Variants in DISP2 observed in about 807,000 individuals in gnomAD.
DISP2 encodes the protein protein dispatched homolog 2.
In DISP2, 59 loss-of-function variants were observed where a neutral mutation model predicts 95.5. The ratio of observed to expected loss-of-function variants is 0.62; its 90% CI spans 0.50 to 0.77. The LOEUF (loss-of-function observed/expected upper bound fraction) is 0.77, where lower values mean the gene tolerates loss of function less well. Ranked by LOEUF, DISP2 falls within the 30% of genes least tolerant of loss-of-function variation. The probability of loss-of-function intolerance (pLI) is 0.00; values close to 1 mark genes in which losing one functional copy is unlikely to be tolerated. For synonymous variants in DISP2, 827 were observed against 815.0 expected (o/e 1.01, Z -0.25); for missense variants, 1,752 against 1,854.6 (o/e 0.94, Z 1.02).
At chr15:40,364,628 C>T in intron 4 of DISP2, 84 bp downstream of exon 4, 2 of 1,561,428 alleles carry the variant, frequency 1.3e-6, no homozygotes, top group Non-Finnish European at 1.7e-6. Context: ...GTAGGGTAGC[C>T]ATGGTAGCCT....
At position 40,370,408 on chromosome 15, in the gene DISP2, T is replaced by A; in HGVS notation, c.*90T>A. The A allele has an allele frequency of 2.0e-6, 3 of 1,493,830 alleles. No homozygotes were observed. The highest frequency in any genetic ancestry group is 2.7e-6 in the Non-Finnish European group (3 of 1,127,434). 92.5% of individuals were successfully genotyped at this position (1,493,830 alleles called of 1,614,324 possible). ...ATAGGCTGGAGCCCGAAGGTATTTC[T>A]CCAGATCCACAGGGAGAGGTCTCAC... is the stretch of plus-strand genomic sequence containing the variant. On this transcript the variant is annotated 3_prime_UTR_variant, in exon 8 of 8. Transcript: ENST00000267889.
rs771198665 is a variant in DISP2, at chr15:40,369,007, T to C, written c.2895T>C (p.Ala965=). 4.3e-6 allele frequency: 7 copies of C among 1,614,038 alleles called. No homozygotes were observed. The highest frequency in any genetic ancestry group is 3.3e-5 in the South Asian group (3 of 91,086). ...AGCACAGCCTGAGCACTGAGCCTGCTGTGGTGCTGGGCCTGGCTTTGGCGC... is the reference window on the plus strand; with the variant it reads ...AGCACAGCCTGAGCACTGAGCCTGCCGTGGTGCTGGGCCTGGCTTTGGCGC... The part of the protein sequence containing the change: ...SLQHSLSTEP[A]VVLGLALALA... Residue 965 remains alanine (A), a synonymous_variant, in exon 8 of 8, where the codon GCT becomes GCC. Transcript: ENST00000267889.
chr15:40,368,190 G>T lies in DISP2; in HGVS notation c.2078G>T (p.Arg693Leu). Residue 693 changes from arginine to leucine, a missense_variant, in exon 8 of 8, where the codon CGC (arginine) becomes CTC (leucine). By Grantham distance (102) the Arg-to-Leu change is moderately radical. Around this residue, in one of 5 missense-constraint regions of DISP2, gnomAD observed 732 missense variants for 714.6 expected, o/e 1.02. Coordinates refer to ENST00000267889, the MANE Select transcript of DISP2 (RefSeq NM_033510.3). Reference sequence around the variant, plus strand: ...GGCACCTCGCGTCTGCTCTTCCAGCGCCTGCTGCCCTGCGGCGTCATCAAG... The same window carrying T: ...GGCACCTCGCGTCTGCTCTTCCAGCTCCTGCTGCCCTGCGGCGTCATCAAG... ...AAGTSRLLFQ[R>L]LLPCGVIKFR... The T allele has an allele frequency of 6.2e-7, 1 of 1,602,616 alleles. No individual in the cohort carries two copies.
chr15:40,365,586 G>C (rs780460898), intron 6 of DISP2, 42 bp from the exon 7 acceptor site: 18 of 1,608,902 alleles, frequency 1.1e-5, no homozygotes, highest in Non-Finnish European at 1.4e-5. Flanking sequence ...CCAGGACCTG[G>C]GGCCAAAGGA....
Position 40,370,223 on chromosome 15 carries a change from G to A in DISP2, c.4111G>A (p.Asp1371Asn), listed in dbSNP as rs770385873. 6.2e-7 allele frequency: 1 copy of A among 1,606,898 alleles called. No individual in the cohort carries two copies. The highest frequency in any genetic ancestry group is 8.5e-7 in the Non-Finnish European group (1 of 1,177,016). ...CTGGAAGGGCCGAGGGGGGCCAGGG[G>A]ATGGCAGCCCTGTGGTGCTGCCCAA... is the stretch of plus-strand genomic sequence containing the variant. ...LSWKGRGGPG[D>N]GSPVVLPNSQ... The change falls in exon 8 of 8, where the codon GAT (aspartate) becomes AAT (asparagine). Residue 1371 changes from aspartate (D) to asparagine (N), a missense_variant. Physicochemically the swap from Asp to Asn is conservative, Grantham distance 23. Coordinates refer to ENST00000267889, the MANE Select transcript of DISP2 (RefSeq NM_033510.3).
chr15:40,370,116 G>GGAA lies in DISP2; in HGVS notation c.4006_4008dup (p.Lys1336dup), dbSNP rs752967674. On this transcript the variant is annotated inframe_insertion, in exon 8 of 8. Transcript: ENST00000267889. ...GTCCTTGAGCGAGGCCAGCTCAATG[G>GGAA]GAAGCGGGACACCCTGTGGCTGGCG... 7.5e-6 allele frequency: 12 copies of GGAA among 1,607,954 alleles called. No individual in the cohort carries two copies. Among genetic ancestry groups the GGAA allele is most frequent in the Non-Finnish European group, 1.0e-5 (12 of 1,176,774 alleles).
chr15:40,367,047 G>C lies in DISP2; in HGVS notation c.946-11G>C. The C allele has an allele frequency of 1.2e-6, 2 of 1,605,900 alleles. No homozygotes were observed. Among genetic ancestry groups the C allele is most frequent in the Non-Finnish European group, 1.7e-6 (2 of 1,179,700 alleles). On this transcript the variant is annotated splice_polypyrimidine_tract_variant and intron_variant, in intron 7 of 7. Coordinates refer to ENST00000267889, the MANE Select transcript of DISP2 (RefSeq NM_033510.3). ...GCCCCTGAACTCTCCCCTCCTGCGT[G>C]TGCCCTACAGATCCGCTCCCATACC...
intron 1 of DISP2, 38 bp from the exon 2 acceptor site, chr15:40,363,587 T>A: frequency 6.9e-7 from 1 of 1,443,174 alleles, no homozygotes; most frequent in South Asian, 1.4e-5. Context: ...CCCACCACCA[T>A]CCCCCACCCC....
In DISP2 at chr15:40,368,087, C is replaced by G; in HGVS notation, c.1975C>G (p.Arg659Gly). Reference protein sequence around the residue: ...ARGCARRARGRWEGSAPRRLL... With the variant: ...ARGCARRARGGWEGSAPRRLL... ...CGGCTGTGCGCGCCGGGCGCGGGGC[C>G]GGTGGGAGGGCAGCGCGCCCCGGCG... Residue 659 changes from arginine to glycine, a missense_variant, in exon 8 of 8, where the codon CGG becomes GGG. Physicochemically the swap from Arg to Gly is moderately radical, Grantham distance 125 (BLOSUM62 -2). Transcript: ENST00000267889. 7.3e-7 allele frequency: 1 copy of G among 1,367,202 alleles called. No individual in the cohort carries two copies. Among genetic ancestry groups the G allele is most frequent in the Non-Finnish European group, 9.3e-7 (1 of 1,069,938 alleles). The allele number at this position is 1,367,202 out of a possible 1,614,324, so 84.7% of individuals were successfully genotyped here.
intron 1 of DISP2, among the ~76,000 whole-genome samples, chr15:40,361,106 T>G (rs1889399059): frequency 6.6e-6 from 1 of 152,196 alleles, no homozygotes; most frequent in Non-Finnish European, 1.5e-5. Flanking sequence ...CTTTATGGAG[T>G]CATCTGAGGT....
rs1484956785 is a variant in DISP2, at chr15:40,369,259, G to C, written c.3147G>C (p.Leu1049=). ...SYHLCPHPDR[L]SRVAFSLRQT... ...ACCTGTGCCCACACCCTGACCGCCT[G>C]AGCCGTGTGGCCTTCTCTCTGCGCC... The change falls in exon 8 of 8, where the codon CTG becomes CTC. Residue 1049 remains leucine (L), a synonymous_variant. Coordinates refer to ENST00000267889, the MANE Select transcript of DISP2 (RefSeq NM_033510.3). The C allele has an allele frequency of 6.2e-7, 1 of 1,613,834 alleles. No homozygotes were observed. Among genetic ancestry groups the C allele is most frequent in the Admixed American group, 1.7e-5 (1 of 60,030 alleles).
At position 40,370,605 on chromosome 15, in the gene DISP2, G is replaced by A. The variant is rs1448947926; in HGVS notation, c.*287G>A. ...CATCTAAGACCCCTCCTCTAGAAGT[G>A]GGGAAGGCCAGATGTGTAGCTTCGG... is the stretch of plus-strand genomic sequence containing the variant. On this transcript the variant is annotated 3_prime_UTR_variant, in exon 8 of 8. Transcript: ENST00000267889. 3.2e-6 allele frequency: 2 copies of A among 628,942 alleles called. No homozygotes were observed. The highest frequency in any genetic ancestry group is 6.8e-5 in the East Asian group (2 of 29,306). 39.0% of individuals were successfully genotyped at this position (628,942 alleles called of 1,614,324 possible).
At position 40,369,559 on chromosome 15, in the gene DISP2, A is replaced by T. The variant is rs1191489552; in HGVS notation, c.3447A>T (p.Pro1149=). The T allele has an allele frequency of 1.2e-6, 2 of 1,612,458 alleles. No individual in the cohort carries two copies. Among genetic ancestry groups the T allele is most frequent in the South Asian group, 1.1e-5 (1 of 91,088 alleles). Residue 1149 remains proline, a synonymous_variant, in exon 8 of 8, where the codon CCA becomes CCT. Transcript: ENST00000267889. ...GGGAGAAGGCAGGCCGCCCACGACC[A>T]GGGTCAGTGGGAGGGATGCCCGGGT... ...PGGEKAGRPR[P]GSVGGMPGSC... is the part of the protein sequence containing the mutation.
In DISP2 at chr15:40,368,278, A is replaced by G. The variant is rs776809413; in HGVS notation, c.2166A>G (p.Gly722=). The change falls in exon 8 of 8, where the codon GGA becomes GGG. Residue 722 remains glycine (G), a synonymous_variant. Coordinates refer to ENST00000267889, the MANE Select transcript of DISP2 (RefSeq NM_033510.3). ...CGGCAGGGGGCGCCTACATCGCCGG[A>G]GTCAGCCCCCGCCTGCGGCTGCCCA... ...ALAAGGAYIA[G]VSPRLRLPTL... 1.2e-6 allele frequency: 2 copies of G among 1,608,242 alleles called. No individual in the cohort carries two copies. The highest frequency in any genetic ancestry group is 1.7e-5 in the Admixed American group (1 of 59,732).
chr15:40,365,296 TC>T lies in DISP2; in HGVS notation c.847+24del, dbSNP rs1398205801. ...CCTGGTAAGCTGCAGCCTGGCCAGT[TC>T]CTGGTTTTAATAGTGGTCCCCACCC... On this transcript the variant is annotated intron_variant, in intron 6 of 7. Coordinates refer to ENST00000267889, the MANE Select transcript of DISP2 (RefSeq NM_033510.3). The T allele has an allele frequency of 1.9e-6, 3 of 1,612,272 alleles. No individual in the cohort carries two copies. The African/African-American group carries it at 4.0e-5, about 22-fold the overall frequency.
At position 40,366,959 on chromosome 15, in the gene DISP2, C is replaced by T. The variant is rs1889505699; in HGVS notation, c.946-99C>T. 5.4e-5 allele frequency: 80 copies of T among 1,475,038 alleles called. No homozygotes were observed. In the South Asian group the frequency reaches 9.8e-4, roughly 18 times the overall value. 91.4% of individuals were successfully genotyped at this position (1,475,038 alleles called of 1,614,324 possible). A position where few individuals can be genotyped will look rare whatever the true frequency, so the allele number is the denominator to read the frequency against. On this transcript the variant is annotated intron_variant, in intron 7 of 7. Transcript: ENST00000267889. ...GTCAAGATCCCTCTCTGCGCTTGCC[C>T]TGTAGTGTGAAAGGAGATGAGAGAG...
rs767913935 is a variant in DISP2, at chr15:40,369,753, C to T, written c.3641C>T (p.Pro1214Leu). The T allele has an allele frequency of 3.1e-6, 5 of 1,607,456 alleles. No homozygotes were observed. In the South Asian group the frequency reaches 5.5e-5, roughly 18 times the overall value. ...CSRPPPAPAS[P>L]RELLLDHQAV... ...CGGCCCCCACCAGCCCCTGCCTCCC[C>T]AAGGGAGCTGCTGCTGGACCACCAG... The change falls in exon 8 of 8, where the codon CCA (proline) becomes CTA (leucine). Residue 1214 changes from proline (P) to leucine (L), a missense_variant. Transcript: ENST00000267889.
intron 1 of DISP2, among the ~76,000 whole-genome samples, chr15:40,360,433 G>A (rs1889389075): frequency 2.0e-5 from 3 of 152,186 alleles, no homozygotes; most frequent in Admixed American, 2.0e-4. Flanking sequence ...GTCAGAATAT[G>A]GAAGGTTTCA....
chr15:40,367,238 C>G lies in DISP2; in HGVS notation c.1126C>G (p.His376Asp). ...GCTTCGGACCTGTGCCCTCTACTAC[C>G]ACAGTGGCGCCTTGGTGCCCTCTTG... ...ALLRTCALYYHSGALVPSCLG... is the reference protein window; with the variant it reads ...ALLRTCALYYDSGALVPSCLG... Residue 376 changes from histidine to aspartate, a missense_variant, in exon 8 of 8, where the codon CAC (histidine) becomes GAC (aspartate). Transcript: ENST00000267889. The G allele has an allele frequency of 1.2e-6, 2 of 1,614,006 alleles. No homozygotes were observed. The highest frequency in any genetic ancestry group is 1.7e-6 in the Non-Finnish European group (2 of 1,179,998).
Sources: gnomAD v4.1 joint callset for allele counts (sites outside exome capture counted in the v4.1 genomes callset) on GRCh38, gnomAD v4.1.1 for gene constraint, gnomAD v4.1.1 regional missense constraint, MANE v1.5 for transcripts, NCBI Gene and HGNC (gene_info 2026-07-23, HGNC 2026-07-21) for gene names.